The following ZNF385D variants were observed in gnomAD, a reference collection of about 807,000 sequenced individuals.
The protein encoded by ZNF385D is zinc finger protein 659.
ZNF385D carries 15 observed loss-of-function variants against 35.8 expected under a neutral mutation model. The observed-to-expected ratio is 0.42, with a 90% CI of 0.28 to 0.64. ZNF385D has a LOEUF of 0.64. ZNF385D is among the 30% of genes least tolerant of loss of function. The probability of loss-of-function intolerance (pLI) is 0.23; values close to 1 mark genes in which losing one functional copy is unlikely to be tolerated. For missense variants in ZNF385D, 474 were observed against 494.6 expected (o/e 0.96, Z 0.39); for synonymous variants, 212 against 186.8 (o/e 1.13, Z -1.10).
At chr3:22,125,685 T>C (rs114990634) in intron 3 of ZNF385D, among the ~76,000 whole-genome samples, 4,593 of 152,212 alleles carry the variant, frequency 0.03, 239 homozygotes, top group African/African-American at 0.11. Context: ...TTGGTAGCCA[T>C]TATAAATGAA....
intron 2 of ZNF385D, among the ~76,000 whole-genome samples, chr3:22,360,115 C>T (rs1345201451): frequency 6.6e-6 from 1 of 151,892 alleles, no homozygotes. Context: ...GTGATGTTTT[C>T]TTGGAAAGTA....
chr3:21,616,928 A>T lies in ZNF385D; in HGVS notation c.165+47958T>A, dbSNP rs9859691. On this transcript the variant is annotated intron_variant, in intron 2 of 7. Coordinates refer to ENST00000281523, the MANE Select transcript of ZNF385D (RefSeq NM_024697.3). ...CTTTATAGCTGCAAATACCCAAATT[A>T]TTACTTCCTTTTCCCTGATTATTTT... Among the ~76,000 whole-genome samples the T allele has an allele frequency of 7.1e-3, 1,086 of 152,246 alleles. 15 individuals are homozygous for T. Among genetic ancestry groups the T allele is most frequent in the African/African-American group, 0.024 (1,009 of 41,540 alleles).
intron 3 of ZNF385D, among the ~76,000 whole-genome samples, chr3:21,784,684 T>C (rs2071618213): frequency 6.6e-6 from 1 of 151,946 alleles, no homozygotes; most frequent in South Asian, 2.1e-4. Flanking sequence ...TTTAAGTATA[T>C]AACATGATGT....
chr3:21,606,486 A>G (rs1412230957), intron 2 of ZNF385D, among the ~76,000 whole-genome samples: 1 of 152,200 alleles, frequency 6.6e-6, no homozygotes, highest in East Asian at 1.9e-4. Flanking sequence ...TATATTTTAG[A>G]TCCATAGGTG....
intron 4 of ZNF385D, among the ~76,000 whole-genome samples, chr3:21,442,487 CCAAAAACAAAAA>C (rs573149639): frequency 2.0e-5 from 3 of 151,964 alleles, no homozygotes; most frequent in East Asian, 3.9e-4. Flanking sequence ...GTGCTTCTGA[CCAAAAACAAAAA>C]CAAAAACAAA....
At chr3:21,533,536 A>G (rs755628153) in intron 3 of ZNF385D, among the ~76,000 whole-genome samples, 2 of 152,078 alleles carry the variant, frequency 1.3e-5, no homozygotes, top group African/African-American at 4.8e-5. Flanking sequence ...CTGTGCATTT[A>G]TCATCCATCT....
intron 4 of ZNF385D, among the ~76,000 whole-genome samples, chr3:21,495,502 T>A (rs1705766293): frequency 1.3e-5 from 2 of 152,106 alleles, no homozygotes; most frequent in African/African-American, 4.8e-5. Context: ...TCTTTGAAAC[T>A]AATGAGTGCA....
chr3:21,780,159 A>C (rs534226576), intron 3 of ZNF385D, among the ~76,000 whole-genome samples: 1 of 152,138 alleles, frequency 6.6e-6, no homozygotes, highest in African/African-American at 2.4e-5. Context: ...AGGAATATCA[A>C]CAAACCCTTA....
chr3:21,769,229 G>A (rs1467777618), intron 3 of ZNF385D, among the ~76,000 whole-genome samples: 1 of 151,770 alleles, frequency 6.6e-6, no homozygotes, highest in African/African-American at 2.4e-5. Context: ...GGAAGTTCTG[G>A]CCAGGGCAAT....
chr3:21,586,200 T>C (rs2063806678), intron 2 of ZNF385D, among the ~76,000 whole-genome samples: 1 of 152,042 alleles, frequency 6.6e-6, no homozygotes, highest in African/African-American at 2.4e-5. Context: ...AGGGAGACTC[T>C]GTCCCTAAGG....
At chr3:22,143,335 C>T (rs924044413) in intron 3 of ZNF385D, among the ~76,000 whole-genome samples, 25 of 152,084 alleles carry the variant, frequency 1.6e-4, no homozygotes, top group South Asian at 6.2e-4. Context: ...CTGCCCGCCT[C>T]GGCCTCCCAA....
chr3:21,996,744 C>A (rs1030061870), intron 3 of ZNF385D, among the ~76,000 whole-genome samples: 2 of 152,046 alleles, frequency 1.3e-5, no homozygotes, highest in Non-Finnish European at 2.9e-5. Flanking sequence ...AGAATAGGAA[C>A]CCCCCTAAAA....
chr3:22,218,638 C>T (rs1236156033), intron 2 of ZNF385D, among the ~76,000 whole-genome samples: 1 of 152,162 alleles, frequency 6.6e-6, no homozygotes, highest in Non-Finnish European at 1.5e-5. Flanking sequence ...TTTCTTGTTC[C>T]TCTCCTGCTG....
At chr3:21,757,121 T>TC (rs2070375051) in intron 3 of ZNF385D, among the ~76,000 whole-genome samples, 5 of 20,564 alleles carry the variant, frequency 2.4e-4, no homozygotes, top group East Asian at 0.014. Flanking sequence ...TAAATTTCTC[T>TC]TTTTTTTTTT....
At chr3:22,094,362 A>G (rs982658196) in intron 3 of ZNF385D, among the ~76,000 whole-genome samples, 5 of 103,306 alleles carry the variant, frequency 4.8e-5, no homozygotes, top group Admixed American at 9.6e-5. Context: ...GCATTTTACC[A>G]TTGTCTTCTG....
At chr3:21,567,782 G>A (rs1343342932) in intron 2 of ZNF385D, among the ~76,000 whole-genome samples, 3 of 152,064 alleles carry the variant, frequency 2.0e-5, no homozygotes, top group Admixed American at 6.6e-5. Context: ...GATGCTCTCC[G>A]AAAATACATA....
chr3:21,437,699 T>TAAAAAAAAAAAAAA (rs1559447253), intron 4 of ZNF385D, among the ~76,000 whole-genome samples: 3 of 1,188 alleles, frequency 2.5e-3, no homozygotes, highest in East Asian at 0.05. Context: ...CAAATGCTTA[T>TAAAAAAAAAAAAAA]ACAAAAAAAA....
At chr3:21,536,531 A>C (rs1368075546) in intron 3 of ZNF385D, among the ~76,000 whole-genome samples, 1 of 152,128 alleles carries the variant, frequency 6.6e-6, no homozygotes, top group Non-Finnish European at 1.5e-5. Context: ...GGATGTATAT[A>C]ACTGGCAAGC....
rs377123309 is a variant in ZNF385D, at chr3:21,959,422, A to G, written c.325+209395T>C. ...ATAATTTATAAAGCTGTAAAATACT[A>G]TAGTGTTTGTGAGGAACCAGTCAAA... On this transcript the variant is annotated intron_variant, in intron 3 of 5. Transcript: ENST00000494108. Among the ~76,000 whole-genome samples, 10 of 152,284 alleles carry G rather than the reference A, an allele frequency of 6.6e-5. No homozygotes were observed. In the South Asian group the frequency reaches 1.4e-3, roughly 22 times the overall value.
Sources: gnomAD v4.1 joint callset for allele counts (sites outside exome capture counted in the v4.1 genomes callset) on GRCh38, gnomAD v4.1.1 for gene constraint, MANE v1.5 for transcripts, NCBI Gene and HGNC (gene_info 2026-07-23, HGNC 2026-07-21) for gene names.